Variants in ITIH2 observed in about 807,000 individuals in gnomAD.
ITIH2 encodes the protein inter-alpha-trypsin inhibitor heavy chain 2, also known as inter-alpha-trypsin inhibitor heavy chain H2.
ITIH2 carries 103 observed loss-of-function variants against 104.4 expected under a neutral mutation model. That is an observed-to-expected ratio of 0.99 (90% confidence interval 0.84 to 1.16). The LOEUF (loss-of-function observed/expected upper bound fraction) is 1.16, where lower values mean the gene tolerates loss of function less well. ITIH2 is among the 50% of genes most tolerant of loss of function. The pLI, the probability that ITIH2 is intolerant of heterozygous loss-of-function variation, is 0.00. For synonymous variants in ITIH2, 436 were observed against 435.4 expected (o/e 1.00, Z -0.02); for missense variants, 1,108 against 1,162.4 (o/e 0.95, Z 0.68).
intron 6 of ITIH2, among the ~76,000 whole-genome samples, chr10:7,718,202 C>T (rs1483671248): frequency 6.6e-6 from 1 of 152,142 alleles, no homozygotes; most frequent in Non-Finnish European, 1.5e-5. Flanking sequence ...GTAGTCAGAT[C>T]ACTCCAATCT....
chr10:7,712,205 C>A (rs7073297), intron 4 of ITIH2, among the ~76,000 whole-genome samples: 1 of 151,902 alleles, frequency 6.6e-6, no homozygotes, highest in African/African-American at 2.4e-5. Context: ...TTCTGAAGGC[C>A]GGGAAGTCCG....
intron 6 of ITIH2, 47 bp from the exon 7 acceptor site, chr10:7,720,809 C>T (rs1264451209): frequency 8.3e-7 from 1 of 1,199,606 alleles, no homozygotes; most frequent in Non-Finnish European, 1.2e-6. Context: ...CTTAAAAAGA[C>T]TTTAAAGACT....
rs1003482049 is a variant in ITIH2 at position 7,744,625 on chromosome 10, A to C, written c.2409-166A>C. Among the ~76,000 whole-genome samples, 7 of 152,174 alleles carry C rather than the reference A, an allele frequency of 4.6e-5. No individual in the cohort carries two copies. In the East Asian group the frequency reaches 5.8e-4, roughly 13 times the overall value. On this transcript the variant is annotated intron_variant, in intron 18 of 20. Coordinates refer to ENST00000358415, the MANE Select transcript of ITIH2 (RefSeq NM_002216.3). ...GTGTCCTCTGCGTAGAAGCTTCCCAATGAGTTTCTGTTAATCCATCATTTA... is the reference window on the plus strand; with the variant it reads ...GTGTCCTCTGCGTAGAAGCTTCCCACTGAGTTTCTGTTAATCCATCATTTA...
chr10:7,717,630 A>G lies in ITIH2; in HGVS notation c.472A>G (p.Ser158Gly). ...GTTGGGGGCTTTCACCTTTAGGAGC[A>G]GCGCTCTTGATATGGAAAACTTCAG... ...KGKTAGLVRS[S>G]ALDMENFRTE... Residue 158 changes from serine (S) to glycine (G), a missense_variant, in exon 6 of 21, where the codon AGC becomes GGC. Ser to Gly is a moderately conservative substitution (Grantham distance 56, BLOSUM62 0). Coordinates refer to ENST00000358415, the MANE Select transcript of ITIH2 (RefSeq NM_002216.3). The G allele has an allele frequency of 1.9e-6, 3 of 1,613,046 alleles. No homozygotes were observed. Among genetic ancestry groups the G allele is most frequent in the Non-Finnish European group, 2.5e-6 (3 of 1,179,112 alleles).
In ITIH2 at chr10:7,744,159, G is replaced by A; in HGVS notation, c.2287G>A (p.Gly763Arg). Reference sequence around the variant, plus strand: ...ACTAAGCACCTATTTTGGAAAACTGGGATTTTATTTCCAAAGTGAAGACAT... The same window carrying A: ...ACTAAGCACCTATTTTGGAAAACTGAGATTTTATTTCCAAAGTGAAGACAT... Reference protein sequence around the residue: ...GKLSTYFGKLGFYFQSEDIKI... With the variant: ...GKLSTYFGKLRFYFQSEDIKI... Residue 763 changes from glycine to arginine, a missense_variant, in exon 18 of 21, where the codon GGA (glycine) becomes AGA (arginine). Gly to Arg is a moderately radical substitution (Grantham distance 125). Coordinates refer to ENST00000358415, the MANE Select transcript of ITIH2 (RefSeq NM_002216.3). 2.5e-6 allele frequency: 4 copies of A among 1,613,956 alleles called. No individual in the cohort carries two copies. Among genetic ancestry groups the A allele is most frequent in the African/African-American group, 1.3e-5 (1 of 74,992 alleles).
chr10:7,723,086 GGAGTA>G (rs1184296352), intron 8 of ITIH2, among the ~76,000 whole-genome samples: 4 of 148,716 alleles, frequency 2.7e-5, no homozygotes, highest in Non-Finnish European at 4.5e-5. Context: ...GGCGTGGAGT[GGAGTA>G]GAGTGGAGTG....
chr10:7,717,082 T>C (rs1834857443), intron 5 of ITIH2, among the ~76,000 whole-genome samples: 1 of 151,884 alleles, frequency 6.6e-6, no homozygotes, highest in South Asian at 2.1e-4. Context: ...GCCTCCTGAG[T>C]AGCTGGGATT....
At chr10:7,720,773 G>T in intron 6 of ITIH2, 83 bp from the exon 7 acceptor site, 1 of 830,642 alleles carries the variant, frequency 1.2e-6, no homozygotes, top group Non-Finnish European at 2.1e-6. Flanking sequence ...AAGCATCAGA[G>T]GACTTATTTG....
At chr10:7,746,005 C>T (rs904879200) in intron 19 of ITIH2, among the ~76,000 whole-genome samples, 7 of 146,202 alleles carry the variant, frequency 4.8e-5, no homozygotes, top group East Asian at 4.3e-4. Flanking sequence ...CTGCCCACCT[C>T]GGCCTCCCAA....
At chr10:7,722,510 G>A (rs909322803) in intron 8 of ITIH2, among the ~76,000 whole-genome samples, 1 of 152,156 alleles carries the variant, frequency 6.6e-6, no homozygotes, top group South Asian at 2.1e-4. Flanking sequence ...CACGTCCTTC[G>A]TGATCTGTCT....
intron 12 of ITIH2, among the ~76,000 whole-genome samples, chr10:7,731,029 G>A (rs925465401): frequency 5.3e-5 from 8 of 152,018 alleles, no homozygotes; most frequent in African/African-American, 1.9e-4. Flanking sequence ...GGCGATTCTC[G>A]CACCTCAGTC....
intron 2 of ITIH2, among the ~76,000 whole-genome samples, chr10:7,706,915 G>A (rs1834752406): frequency 6.6e-6 from 1 of 152,126 alleles, no homozygotes; most frequent in African/African-American, 2.4e-5. Context: ...ACGCTACCCA[G>A]GATGCATTTG....
rs779262431 is a variant in ITIH2 at position 7,709,002 on chromosome 10, T to A, written c.193-20T>A. The A allele has an allele frequency of 1.2e-6, 2 of 1,608,382 alleles. No homozygotes were observed. The highest frequency in any genetic ancestry group is 1.3e-5 in the African/African-American group (1 of 74,810). Reference sequence around the variant, plus strand: ...TGTGATTTTTCTATCAGTACAGTTATGCTTTCTTGCCAATTTCAGGAAGAG... The same window carrying A: ...TGTGATTTTTCTATCAGTACAGTTAAGCTTTCTTGCCAATTTCAGGAAGAG... On this transcript the variant is annotated intron_variant, in intron 3 of 20. Transcript: ENST00000358415.
chr10:7,727,626 T>C, intron 10 of ITIH2, 77 bp from the exon 11 acceptor site: 1 of 1,524,440 alleles, frequency 6.6e-7, no homozygotes, highest in Non-Finnish European at 9.0e-7. Flanking sequence ...AGCCGACATA[T>C]GAGTCTGAAT....
intron 3 of ITIH2, among the ~76,000 whole-genome samples, chr10:7,707,888 C>A (rs193210281): frequency 3.9e-5 from 6 of 152,304 alleles, no homozygotes; most frequent in Admixed American, 1.3e-4. Flanking sequence ...AAGTATGACA[C>A]CTGACAGCTT....
intron 3 of ITIH2, among the ~76,000 whole-genome samples, chr10:7,708,351 C>T (rs77669145): frequency 0.034 from 5,118 of 152,266 alleles, 262 homozygotes; most frequent in African/African-American, 0.11. Flanking sequence ...CACACAGGAG[C>T]TGCTTTAAAT....
chr10:7,719,495 C>T (rs147424371), intron 6 of ITIH2, among the ~76,000 whole-genome samples: 2 of 152,072 alleles, frequency 1.3e-5, no homozygotes, highest in East Asian at 1.9e-4. Flanking sequence ...TGATTAGCAT[C>T]TAAGCCTAGG....
intron 15 of ITIH2, among the ~76,000 whole-genome samples, chr10:7,737,200 T>C (rs995900622): frequency 1.3e-5 from 2 of 151,316 alleles, no homozygotes; most frequent in African/African-American, 4.9e-5. Context: ...AACGAGTCTG[T>C]GTCTAAACTG....
intron 6 of ITIH2, among the ~76,000 whole-genome samples, chr10:7,719,778 A>AG (rs1834884303): frequency 6.8e-6 from 1 of 146,816 alleles, no homozygotes; most frequent in Non-Finnish European, 1.5e-5. Flanking sequence ...AAAAAAAAAA[A>AG]AAAAAGAAAG....
Sources: allele counts gnomAD v4.1 joint callset (sites outside exome capture counted in the v4.1 genomes callset), GRCh38; gene constraint gnomAD v4.1.1; transcripts MANE v1.5; gene names NCBI Gene and HGNC (gene_info 2026-07-23, HGNC 2026-07-21).